Variants in GPC5 observed in about 807,000 individuals in gnomAD.
The protein encoded by GPC5 is glypican 5, also known as glypican-5.
GPC5 carries 47 observed loss-of-function variants against 53.9 expected under a neutral mutation model. The ratio of observed to expected loss-of-function variants is 0.87; its 90% CI spans 0.69 to 1.11. The LOEUF is 1.11. Ranked by LOEUF, GPC5 falls within the 50% of genes most tolerant of loss-of-function variation. GPC5 has a pLI of 0.00. For missense variants in GPC5, 748 were observed against 713.1 expected (o/e 1.05, Z -0.56); for synonymous variants, 286 against 263.3 (o/e 1.09, Z -0.84).
chr13:92,838,586 C>A (rs988730550), intron 7 of GPC5, among the ~76,000 whole-genome samples: 1 of 151,366 alleles, frequency 6.6e-6, no homozygotes, highest in East Asian at 2.0e-4. Flanking sequence ...GCAAAACTTA[C>A]GAAATACATG....
intron 7 of GPC5, among the ~76,000 whole-genome samples, chr13:92,279,020 C>T (rs2042895259): frequency 6.6e-6 from 1 of 151,796 alleles, no homozygotes; most frequent in African/African-American, 2.4e-5. Flanking sequence ...CCTTGTGATT[C>T]CACATGAATT....
intron 2 of GPC5, among the ~76,000 whole-genome samples, chr13:91,460,984 A>G (rs539471273): frequency 6.6e-6 from 1 of 152,312 alleles, no homozygotes; most frequent in African/African-American, 2.4e-5. Flanking sequence ...CATAAAATAT[A>G]TGTAGCAATA....
At chr13:91,557,792 A>G (rs2031040502) in intron 2 of GPC5, among the ~76,000 whole-genome samples, 2 of 152,126 alleles carry the variant, frequency 1.3e-5, no homozygotes, top group Non-Finnish European at 2.9e-5. Context: ...GATGGCAAAC[A>G]TAATGTGCAA....
At chr13:92,097,928 G>A (rs1435519288) in intron 6 of GPC5, among the ~76,000 whole-genome samples, 3 of 152,146 alleles carry the variant, frequency 2.0e-5, no homozygotes, top group Non-Finnish European at 1.5e-5. Context: ...GAAACCTAGT[G>A]GAGTTTGCCT....
Position 92,354,438 on chromosome 13 carries a change from T to A in GPC5, c.1561+209449T>A, listed in dbSNP as rs527753321. Among the ~76,000 whole-genome samples, 174 of 152,338 alleles carry A rather than the reference T, an allele frequency of 1.1e-3. 1 individual carries two copies. The highest frequency in any genetic ancestry group is 2.1e-3 in the Non-Finnish European group (144 of 68,028). ...AGATTATTTTGATAATTTTGACTAA[T>A]CAACAGTAGTAATGAGACAAAAACC... On this transcript the variant is annotated intron_variant, in intron 7 of 7. Coordinates refer to ENST00000377067, the MANE Select transcript of GPC5 (RefSeq NM_004466.6).
intron 7 of GPC5, among the ~76,000 whole-genome samples, chr13:92,608,391 A>G (rs768417563): frequency 6.6e-6 from 1 of 152,224 alleles, no homozygotes; most frequent in African/African-American, 2.4e-5. Flanking sequence ...TCCTCCACCC[A>G]TTGCTCTTGT....
At chr13:92,715,504 T>A (rs1435735195) in intron 7 of GPC5, among the ~76,000 whole-genome samples, 1 of 152,176 alleles carries the variant, frequency 6.6e-6, no homozygotes, top group Non-Finnish European at 1.5e-5. Context: ...AACTCTAGTC[T>A]CCTGACAGCA....
intron 7 of GPC5, among the ~76,000 whole-genome samples, chr13:92,458,030 CA>C (rs1161860106): frequency 1.3e-5 from 2 of 151,988 alleles, no homozygotes; most frequent in Non-Finnish European, 2.9e-5. Context: ...AAAGCATTTC[CA>C]AAAATTGAAA....
chr13:92,411,917 C>T (rs1566579222), intron 7 of GPC5, among the ~76,000 whole-genome samples: 1 of 152,052 alleles, frequency 6.6e-6, no homozygotes, highest in African/African-American at 2.4e-5. Context: ...CGGTTTTAGT[C>T]ATTAAACGTA....
At chr13:92,723,052 C>T (rs549989606) in intron 7 of GPC5, among the ~76,000 whole-genome samples, 33 of 151,728 alleles carry the variant, frequency 2.2e-4, no homozygotes, top group African/African-American at 7.5e-4. Context: ...TTAAATCCCA[C>T]TCATTAACAT....
At chr13:92,165,629 GTC>G (rs2042021951) in intron 7 of GPC5, among the ~76,000 whole-genome samples, 1 of 152,148 alleles carries the variant, frequency 6.6e-6, no homozygotes, top group South Asian at 2.1e-4. Context: ...CCGTGATTCC[GTC>G]ACCTCTCATG....
intron 5 of GPC5, among the ~76,000 whole-genome samples, chr13:91,793,046 T>G (rs2037992640): frequency 6.6e-6 from 1 of 152,116 alleles, no homozygotes; most frequent in Non-Finnish European, 1.5e-5. Context: ...GATAAGGAGA[T>G]GTATTAGTCT....
At chr13:92,224,667 C>T (rs2042472032) in intron 7 of GPC5, among the ~76,000 whole-genome samples, 1 of 152,184 alleles carries the variant, frequency 6.6e-6, no homozygotes, top group South Asian at 2.1e-4. Context: ...ATGTACTAGG[C>T]AGAGGGTGTC....
intron 7 of GPC5, among the ~76,000 whole-genome samples, chr13:92,221,991 T>C (rs2042452689): frequency 6.6e-6 from 1 of 152,208 alleles, no homozygotes; most frequent in African/African-American, 2.4e-5. Context: ...ACGAATTGCA[T>C]GATATTTGAG....
intron 5 of GPC5, among the ~76,000 whole-genome samples, chr13:91,798,021 T>A (rs7489587): frequency 0.33 from 49,554 of 152,050 alleles, 9,530 homozygotes; most frequent in East Asian, 0.65. Flanking sequence ...TCTAAGTAAC[T>A]GACATAGGAT....
rs1216975258 is a variant in GPC5, at chr13:92,144,788, C to T, written c.1402-42C>T. 3.2e-6 allele frequency: 5 copies of T among 1,569,962 alleles called. No individual in the cohort carries two copies. The African/African-American group carries it at 5.5e-5, about 17-fold the overall frequency. On this transcript the variant is annotated intron_variant, in intron 6 of 7. Transcript: ENST00000377067. ...TTCTGAATAGAATTCTTATGTTATT[C>T]AAATTTGCTATTAGTAAAGGCCTTT...
At chr13:91,947,817 C>T in intron 6 of GPC5, among the ~76,000 whole-genome samples, 1 of 152,168 alleles carries the variant, frequency 6.6e-6, no homozygotes, top group Non-Finnish European at 1.5e-5. Context: ...CCAACCCCTG[C>T]AGCAACAGCA....
At chr13:92,467,260 T>C (rs866832725) in intron 7 of GPC5, among the ~76,000 whole-genome samples, 10 of 152,056 alleles carry the variant, frequency 6.6e-5, no homozygotes, top group Non-Finnish European at 1.5e-4. Flanking sequence ...TTGAAGACGA[T>C]TAAAGAGAGG....
At chr13:92,348,251 G>A (rs1207981357) in intron 7 of GPC5, among the ~76,000 whole-genome samples, 1 of 151,376 alleles carries the variant, frequency 6.6e-6, no homozygotes, top group African/African-American at 2.4e-5. Context: ...GACACACACA[G>A]ACTGAAAATA....
Sources: gnomAD v4.1 joint callset for allele counts (sites outside exome capture counted in the v4.1 genomes callset) on GRCh38, gnomAD v4.1.1 for gene constraint, MANE v1.5 for transcripts, NCBI Gene and HGNC (gene_info 2026-07-23, HGNC 2026-07-21) for gene names.